The following AGBL4 variants were observed in gnomAD, a reference collection of about 807,000 sequenced individuals.
The protein encoded by AGBL4 is AGBL carboxypeptidase 4.
Under a neutral mutation model 66.4 loss-of-function variants are expected in AGBL4, and 58 were observed. That is an observed-to-expected ratio of 0.87 (90% CI 0.71 to 1.09). AGBL4 has a LOEUF of 1.09. Ranked by LOEUF, AGBL4 falls within the 50% of genes least tolerant of loss-of-function variation. The pLI is 0.00. For synonymous variants in AGBL4, 234 were observed against 222.9 expected (o/e 1.05, Z -0.44); for missense variants, 579 against 631.0 (o/e 0.92, Z 0.88).
chr1:48,605,088 C>G (rs145745801), intron 9 of AGBL4, among the ~76,000 whole-genome samples: 9 of 152,302 alleles, frequency 5.9e-5, no homozygotes, highest in Non-Finnish European at 1.3e-4. Context: ...ACCTGTTTTA[C>G]AGATGAATGC....
chr1:49,661,298 GTT>G (rs918745836), intron 3 of AGBL4, among the ~76,000 whole-genome samples: 1 of 152,114 alleles, frequency 6.6e-6, no homozygotes, highest in Non-Finnish European at 1.5e-5. Context: ...TGGTTTGGAT[GTT>G]TTGTTCCCTC....
At chr1:48,863,704 A>G (rs1647707352) in intron 6 of AGBL4, among the ~76,000 whole-genome samples, 1 of 152,140 alleles carries the variant, frequency 6.6e-6, no homozygotes, top group Non-Finnish European at 1.5e-5. Flanking sequence ...TAATGGGTAG[A>G]AATATAGACT....
chr1:49,259,499 T>A (rs1652896815), intron 3 of AGBL4, among the ~76,000 whole-genome samples: 1 of 149,774 alleles, frequency 6.7e-6, no homozygotes, highest in Admixed American at 6.7e-5. Flanking sequence ...AAGGCAAGGG[T>A]TGCAATCCTA....
chr1:49,163,926 G>T (rs909021453), intron 4 of AGBL4, among the ~76,000 whole-genome samples: 4 of 152,070 alleles, frequency 2.6e-5, no homozygotes, highest in African/African-American at 7.2e-5. Context: ...TGGAACAGGG[G>T]TATGGTTTAT....
At chr1:49,844,017 G>A (rs778085698) in intron 2 of AGBL4, among the ~76,000 whole-genome samples, 1 of 152,070 alleles carries the variant, frequency 6.6e-6, no homozygotes, top group Non-Finnish European at 1.5e-5. Context: ...TGAGCAAGGT[G>A]GACAGAAACT....
At chr1:49,816,726 C>T (rs1353004488) in intron 2 of AGBL4, among the ~76,000 whole-genome samples, 1 of 152,166 alleles carries the variant, frequency 6.6e-6, no homozygotes, top group Non-Finnish European at 1.5e-5. Context: ...AACTTACAGA[C>T]TAGTGACCAG....
chr1:49,530,266 AAAAAAAC>A lies in AGBL4; in HGVS notation c.282+167040_282+167046del, dbSNP rs981579643. On this transcript the variant is annotated intron_variant, in intron 3 of 13. Transcript: ENST00000371839. ...GTTTTCAAGTAGAATTTGTAAAAAAAAAAAAACAAAAAAAAACTCTATGAGTTTTTTT... is the reference window on the plus strand; with the variant it reads ...GTTTTCAAGTAGAATTTGTAAAAAAAAAAAAAAAACTCTATGAGTTTTTTT... Among the ~76,000 whole-genome samples the A allele has an allele frequency of 2.0e-4, 29 of 141,606 alleles. 5 individuals carry two copies. The highest frequency in any genetic ancestry group is 3.5e-4 in the Non-Finnish European group (23 of 65,538). The allele number at this position is 141,606 out of a possible 152,430, so 92.9% of individuals were successfully genotyped here.
intron 6 of AGBL4, 111 bp from the exon 7 acceptor site, chr1:48,663,352 C>T (rs2148456816): frequency 1.1e-6 from 1 of 928,000 alleles, no homozygotes; most frequent in East Asian, 2.4e-5. Context: ...TTTACATTTA[C>T]CTCTTAAACC....
chr1:49,347,830 A>G (rs1645666436), intron 3 of AGBL4, among the ~76,000 whole-genome samples: 1 of 151,826 alleles, frequency 6.6e-6, no homozygotes, highest in Non-Finnish European at 1.5e-5. Flanking sequence ...ACTCTACTCC[A>G]GCCTGGCGAC....
chr1:48,988,206 A>AT (rs1660325114), intron 5 of AGBL4, among the ~76,000 whole-genome samples: 1 of 152,128 alleles, frequency 6.6e-6, no homozygotes, highest in Admixed American at 6.5e-5. Flanking sequence ...GAGAACAGGG[A>AT]TTTTTCCTAC....
chr1:49,333,902 C>A (rs953492725), intron 3 of AGBL4, among the ~76,000 whole-genome samples: 13 of 152,140 alleles, frequency 8.5e-5, no homozygotes, highest in South Asian at 8.3e-4. Flanking sequence ...AATCTGCCCC[C>A]AGAGAACTTT....
At chr1:49,011,916 G>C (rs1296674798) in intron 5 of AGBL4, among the ~76,000 whole-genome samples, 1 of 150,760 alleles carries the variant, frequency 6.6e-6, no homozygotes, top group Non-Finnish European at 1.5e-5. Context: ...AGCATTGGGA[G>C]ATATACCTAA....
chr1:49,822,497 G>A lies in AGBL4; in HGVS notation c.157+28899C>T, dbSNP rs1645395846. On this transcript the variant is annotated intron_variant, in intron 2 of 13. Transcript: ENST00000371839. ...GTGCTCACAACGCCTGGCTAATTTT[G>A]TATTTTAGTAGAGATGGGGTTTTGC... 2.0e-5 allele frequency among the ~76,000 whole-genome samples: 3 copies of A among 152,114 alleles called. No individual in the cohort carries two copies. In the East Asian group the frequency reaches 5.8e-4, roughly 30 times the overall value.
chr1:49,329,879 C>T (rs912581182), intron 3 of AGBL4, among the ~76,000 whole-genome samples: 3 of 152,136 alleles, frequency 2.0e-5, no homozygotes, highest in Admixed American at 6.5e-5. Flanking sequence ...ATCACAAGGT[C>T]TGTCTTATAT....
At chr1:49,089,122 T>C (rs1455884420) in intron 4 of AGBL4, among the ~76,000 whole-genome samples, 1 of 151,754 alleles carries the variant, frequency 6.6e-6, no homozygotes, top group East Asian at 2.0e-4. Flanking sequence ...GAGAAGTTTA[T>C]AGCACCAAAT....
chr1:48,933,776 A>G (rs1655228914), intron 5 of AGBL4, among the ~76,000 whole-genome samples: 1 of 152,234 alleles, frequency 6.6e-6, no homozygotes, highest in Non-Finnish European at 1.5e-5. Flanking sequence ...CACACACATT[A>G]ACTAGTATTT....
At chr1:48,527,067 G>C in the AGBL4 span, among the ~76,000 whole-genome samples, 2 of 152,164 alleles carry the variant, frequency 1.3e-5, no homozygotes, top group Admixed American at 1.3e-4. Context: ...GAGAGGTTGA[G>C]GCTTTGGGAA....
chr1:49,740,544 G>A (rs1036998526), intron 2 of AGBL4, among the ~76,000 whole-genome samples: 1 of 152,124 alleles, frequency 6.6e-6, no homozygotes, highest in Non-Finnish European at 1.5e-5. Context: ...TCTGCACCAA[G>A]CAGACCTAAT....
At chr1:50,009,750 GA>G (rs1216816948) in intron 1 of AGBL4, among the ~76,000 whole-genome samples, 1 of 151,192 alleles carries the variant, frequency 6.6e-6, no homozygotes, top group Non-Finnish European at 1.5e-5. Flanking sequence ...TCTTGTATTT[GA>G]AAAAAATCTA....
Sources: gnomAD v4.1 joint callset for allele counts (sites outside exome capture counted in the v4.1 genomes callset) on GRCh38, gnomAD v4.1.1 for gene constraint, MANE v1.5 for transcripts, NCBI Gene and HGNC (gene_info 2026-07-23, HGNC 2026-07-21) for gene names.